The following STS variants were observed in gnomAD, a reference collection of about 807,000 sequenced individuals.
The protein encoded by STS is steryl-sulfatase.
Under a neutral mutation model 26.8 loss-of-function variants are expected in STS, and 7 were observed. That is an observed-to-expected ratio of 0.26 (90% CI 0.15 to 0.49). The LOEUF (loss-of-function observed/expected upper bound fraction) is 0.49. STS is among the 20% of genes least tolerant of loss of function. STS has a pLI of 0.98. For synonymous variants in STS, 199 were observed against 189.4 expected (o/e 1.05, Z -0.42); for missense variants, 434 against 465.6 (o/e 0.93, Z 0.63).
intron 9 of STS, among the ~76,000 whole-genome samples, chrX:7,329,645 G>A (rs1297733461): frequency 8.9e-6 from 1 of 112,472 alleles, no homozygotes; most frequent in Non-Finnish European, 1.9e-5. Context: ...CATTCAGACG[G>A]TTGGACCCAA....
chrX:7,354,417 G>C lies in STS; in HGVS notation c.*4156G>C, dbSNP rs1167725380. ...AAGTCTTACTGTGCTTTAATAGGTA[G>C]CATTGAAAAATTTTTTTCTTTGACA... On this transcript the variant is annotated 3_prime_UTR_variant, in exon 11 of 11. Transcript: ENST00000674429. 9.0e-6 allele frequency: 1 copy of C among 111,561 alleles called. No individual in the cohort carries two copies. Among genetic ancestry groups the C allele is most frequent in the African/African-American group, 3.3e-5 (1 of 30,641 alleles). The allele number at this position is 111,561 out of a possible 1,213,427, so 9.2% of individuals were successfully genotyped here.
At chrX:7,310,948 A>G (rs1383223310) in intron 8 of STS, among the ~76,000 whole-genome samples, 1 of 111,647 alleles carries the variant, frequency 9.0e-6, no homozygotes, top group Non-Finnish European at 1.9e-5. Flanking sequence ...AGCTAGCCCA[A>G]GCCCACACAT....
At chrX:7,244,261 G>T (rs1922759358) in intron 2 of STS, among the ~76,000 whole-genome samples, 1 of 112,081 alleles carries the variant, frequency 8.9e-6, no homozygotes, top group South Asian at 3.7e-4. Flanking sequence ...TGAGAAGAAG[G>T]AATGCTTGCA....
At chrX:7,282,070 A>G (rs994245976) in intron 7 of STS, among the ~76,000 whole-genome samples, 10 of 112,880 alleles carry the variant, frequency 8.9e-5, no homozygotes, top group Admixed American at 9.3e-5. Context: ...AGGGAGCATC[A>G]CAGAGTGGCT....
chrX:7,233,548 A>G (rs78448191), intron 2 of STS, among the ~76,000 whole-genome samples: 3,856 of 111,313 alleles, frequency 0.035, 120 homozygotes, highest in East Asian at 0.24. Flanking sequence ...CCACCTGCGC[A>G]GGTCACCTGC....
At chrX:7,318,653 A>C (rs1827745370) in intron 8 of STS, among the ~76,000 whole-genome samples, 3 of 111,397 alleles carry the variant, frequency 2.7e-5, no homozygotes, top group Admixed American at 9.6e-5. Flanking sequence ...GATGTTCCAC[A>C]TAGTGGGTTC....
intron 1 of STS, among the ~76,000 whole-genome samples, chrX:7,176,274 T>C (rs749984261): frequency 3.6e-5 from 4 of 111,570 alleles, no homozygotes; most frequent in African/African-American, 6.5e-5. Context: ...AAGGGTGATA[T>C]CCATGGTAAC....
Position 7,147,988 on chromosome X carries a change from C to T in STS, c.-229C>T, listed in dbSNP as rs1279944456. 10 of 891,244 alleles carry T rather than the reference C, an allele frequency of 1.1e-5. No homozygotes were observed. The highest frequency in any genetic ancestry group is 1.1e-4 in the African/African-American group (5 of 47,093). 73.4% of individuals were successfully genotyped at this position (891,244 alleles called of 1,213,427 possible). A position where few individuals can be genotyped will look rare whatever the true frequency, so the allele number is the denominator to read the frequency against. On this transcript the variant is annotated 5_prime_UTR_variant, in exon 1 of 11. Coordinates refer to ENST00000674429, the MANE Select transcript of STS (RefSeq NM_001320752.2). ...GGCCCCCAGGCCGTGACGTACCCCG[C>T]GCCGACCGTCCCCACGCCCACACAA...
chrX:7,349,145 CTT>C (rs200409187), intron 10 of STS, among the ~76,000 whole-genome samples: 19 of 80,571 alleles, frequency 2.4e-4, no homozygotes, highest in African/African-American at 5.0e-4. Context: ...CCACACCCAG[CTT>C]TTTTTTTTTT....
At chrX:7,336,247 C>T (rs748779812) in intron 10 of STS, among the ~76,000 whole-genome samples, 1 of 104,469 alleles carries the variant, frequency 9.6e-6, no homozygotes, top group African/African-American at 3.5e-5. Context: ...CTGCCCCCCC[C>T]ACCCGCCCCA....
intron 8 of STS, among the ~76,000 whole-genome samples, chrX:7,319,858 A>G (rs977763486): frequency 3.8e-5 from 4 of 104,186 alleles, no homozygotes; most frequent in Non-Finnish European, 7.7e-5. Flanking sequence ...CTGTAACTCT[A>G]CCGCTTACTA....
rs1284047616 is a variant in STS at position 7,213,822 on chromosome X, C to G, written c.-5+22814C>G. On this transcript the variant is annotated intron_variant, in intron 2 of 10. Coordinates refer to ENST00000674429, the MANE Select transcript of STS (RefSeq NM_001320752.2). ...CTAGGCTGGCGGTGGTGGCTCACACCTGTAATCATGGTACTTTGGGAGGTC... is the reference window on the plus strand; with the variant it reads ...CTAGGCTGGCGGTGGTGGCTCACACGTGTAATCATGGTACTTTGGGAGGTC... Among the ~76,000 whole-genome samples, 20 of 110,850 alleles carry G rather than the reference C, an allele frequency of 1.8e-4. No individual in the cohort carries two copies. The Admixed American group carries it at 1.9e-3, about 11-fold the overall frequency.
chrX:7,327,596 G>T (rs897438090), intron 9 of STS, among the ~76,000 whole-genome samples: 1 of 109,970 alleles, frequency 9.1e-6, no homozygotes, highest in African/African-American at 3.3e-5. Flanking sequence ...TGTTGCCAAA[G>T]CTGGTCTTGA....
intron 8 of STS, among the ~76,000 whole-genome samples, chrX:7,322,069 C>G (rs1291361401): frequency 8.9e-6 from 1 of 112,585 alleles, no homozygotes; most frequent in Non-Finnish European, 1.9e-5. Context: ...AAAAGGCACA[C>G]AAATTTATTC....
chrX:7,260,403 T>TTTTG (rs549904259), intron 6 of STS, among the ~76,000 whole-genome samples: 2 of 110,969 alleles, frequency 1.8e-5, no homozygotes, highest in Admixed American at 9.6e-5. Flanking sequence ...CCCACTGGTT[T>TTTTG]TTTGTTTGTT....
intron 2 of STS, among the ~76,000 whole-genome samples, chrX:7,251,182 TC>T (rs1406401997): frequency 1.8e-5 from 2 of 111,654 alleles, no homozygotes; most frequent in African/African-American, 3.3e-5. Flanking sequence ...CCATTTCCCA[TC>T]CCCCATCCAG....
chrX:7,214,112 T>C (rs1419064956), intron 2 of STS, among the ~76,000 whole-genome samples: 2 of 111,798 alleles, frequency 1.8e-5, no homozygotes, highest in East Asian at 2.8e-4. Flanking sequence ...TAAAAGATTG[T>C]ATTAATTGTC....
chrX:7,318,412 A>T (rs767827089), intron 8 of STS, among the ~76,000 whole-genome samples: 50 of 111,341 alleles, frequency 4.5e-4, no homozygotes, highest in Non-Finnish European at 7.9e-4. Context: ...TCATCAACAC[A>T]TGCCTGCAAA....
intron 6 of STS, among the ~76,000 whole-genome samples, chrX:7,272,433 C>T (rs1411122926): frequency 9.0e-6 from 1 of 110,963 alleles, no homozygotes; most frequent in African/African-American, 3.3e-5. Flanking sequence ...TCTAGAGCAA[C>T]TGTTACATAA....
Sources: gnomAD v4.1 joint callset for allele counts (sites outside exome capture counted in the v4.1 genomes callset) on GRCh38, gnomAD v4.1.1 for gene constraint, MANE v1.5 for transcripts, NCBI Gene and HGNC (gene_info 2026-07-23, HGNC 2026-07-21) for gene names.